The following MYOCOS variants were observed in gnomAD, a reference collection of about 807,000 sequenced individuals.
The protein encoded by MYOCOS is myocilin opposite strand, also known as myocilin opposite strand protein.
chr1:171,621,866 A>G (rs1362094282), upstream of MYOCOS, among the ~76,000 whole-genome samples: 4 of 152,148 alleles, frequency 2.6e-5, no homozygotes, highest in Non-Finnish European at 4.4e-5. Context: ...TACATTTTAA[A>G]AATTAAAAAA....
intron 1 of MYOCOS, among the ~76,000 whole-genome samples, chr1:171,607,558 A>G (rs1450332469): frequency 6.6e-6 from 1 of 152,200 alleles, no homozygotes; most frequent in Non-Finnish European, 1.5e-5. Context: ...GGTTCTCTAA[A>G]AAAAACGATG....
At chr1:171,615,703 C>T (rs542725226) in intron 2 of MYOCOS, among the ~76,000 whole-genome samples, 8 of 152,356 alleles carry the variant, frequency 5.3e-5, no homozygotes, top group South Asian at 2.1e-4. Flanking sequence ...GCCCCTGTCA[C>T]GTACCGCCTG....
At chr1:171,606,369 C>A (rs1652243425) in intron 1 of MYOCOS, among the ~76,000 whole-genome samples, 3 of 152,056 alleles carry the variant, frequency 2.0e-5, no homozygotes, top group Admixed American at 2.0e-4. Flanking sequence ...AGAGAGAAAC[C>A]TTCTCATATT....
chr1:171,613,744 C>T (rs1047673324), intron 1 of MYOCOS, among the ~76,000 whole-genome samples: 2 of 152,090 alleles, frequency 1.3e-5, no homozygotes, highest in Non-Finnish European at 2.9e-5. Flanking sequence ...TATAGGGTCT[C>T]ACTATGTTGC....
intron 1 of MYOCOS, among the ~76,000 whole-genome samples, chr1:171,607,252 G>A (rs1652264145): frequency 6.6e-6 from 1 of 152,088 alleles, no homozygotes. Context: ...TGTTTGGTAG[G>A]TTAGTAGGTT....
chr1:171,620,231 A>G (rs573188281), upstream of MYOCOS, among the ~76,000 whole-genome samples: 1 of 151,926 alleles, frequency 6.6e-6, no homozygotes, highest in East Asian at 1.9e-4. Context: ...CCAAATTCCT[A>G]TCTAAGGTGT....
chr1:171,606,555 A>T (rs896699028), intron 1 of MYOCOS, among the ~76,000 whole-genome samples: 2 of 151,846 alleles, frequency 1.3e-5, no homozygotes, highest in African/African-American at 4.9e-5. Flanking sequence ...GGCATTGTAT[A>T]AAAGAACATT....
At chr1:171,614,261 G>A (rs1652408169) in intron 1 of MYOCOS, among the ~76,000 whole-genome samples, 3 of 152,180 alleles carry the variant, frequency 2.0e-5, no homozygotes, top group African/African-American at 4.8e-5. Context: ...ATGGTGTTAG[G>A]TCAAGTTTCT....
upstream of MYOCOS, among the ~76,000 whole-genome samples, chr1:171,621,138 A>G (rs1319330971): frequency 1.3e-5 from 2 of 151,820 alleles, no homozygotes; most frequent in Non-Finnish European, 2.9e-5. Context: ...ACCAAGCTGC[A>G]CCCCGACCAA....
chr1:171,625,066 A>C (rs2102940792), intron 2 of MYOCOS, among the ~76,000 whole-genome samples: 1 of 152,340 alleles, frequency 6.6e-6, no homozygotes, highest in South Asian at 2.1e-4. Context: ...ATTGGGATGT[A>C]AGATTCCAGC....
chr1:171,624,556 C>G (rs1367761726), intron 2 of MYOCOS, among the ~76,000 whole-genome samples: 1 of 152,024 alleles, frequency 6.6e-6, no homozygotes, highest in Admixed American at 6.6e-5. Context: ...CCCACCTCAG[C>G]CTTCTGAGTA....
upstream of MYOCOS, among the ~76,000 whole-genome samples, chr1:171,617,961 G>C (rs73041915): frequency 0.076 from 11,622 of 152,252 alleles, 1,472 homozygotes; most frequent in African/African-American, 0.26. Context: ...GGGCACAAAG[G>C]CTGGAAGGTG....
intron 1 of MYOCOS, among the ~76,000 whole-genome samples, chr1:171,606,780 A>G (rs1453030878): frequency 6.6e-6 from 1 of 152,162 alleles, no homozygotes; most frequent in Non-Finnish European, 1.5e-5. Flanking sequence ...CCTTCTTTCT[A>G]CAACTCGGTG....
upstream of MYOCOS, among the ~76,000 whole-genome samples, chr1:171,621,915 T>A (rs1252041349): frequency 6.6e-6 from 1 of 152,108 alleles, no homozygotes. Context: ...TTGCAAACAT[T>A]TTCTCAACCC....
chr1:171,611,060 C>G (rs575179793), intron 1 of MYOCOS, among the ~76,000 whole-genome samples: 1 of 152,304 alleles, frequency 6.6e-6, no homozygotes, highest in South Asian at 2.1e-4. Context: ...AGTAGATGAT[C>G]AAATGCATTG....
At chr1:171,611,338 T>C (rs1478047110) in intron 1 of MYOCOS, among the ~76,000 whole-genome samples, 1 of 152,188 alleles carries the variant, frequency 6.6e-6, no homozygotes, top group Admixed American at 6.5e-5. Context: ...CCTTAGGCCC[T>C]ACTTGTGCAC....
chr1:171,612,997 A>G (rs537998196), intron 1 of MYOCOS, among the ~76,000 whole-genome samples: 17 of 152,260 alleles, frequency 1.1e-4, no homozygotes, highest in Admixed American at 9.2e-4. Flanking sequence ...AACTCACTCT[A>G]TTTATTTCTA....
In MYOCOS at chr1:171,623,826, G is replaced by GT. The variant is rs562993278; in HGVS notation, c.-43-11dup. ...CTGAAGCATGTGTGCCAGCTCTTGT[G>GT]TTTTGCATTCACAGGTGCAGTAACT... On this transcript the variant is annotated splice_polypyrimidine_tract_variant and intron_variant, in intron 1 of 2. Coordinates refer to ENST00000637642, the MANE Select transcript of MYOCOS (RefSeq NM_001391940.1). The GT allele has an allele frequency of 1.4e-4, 56 of 398,454 alleles. No homozygotes were observed. Among genetic ancestry groups the GT allele is most frequent in the African/African-American group, 9.9e-4 (48 of 48,706 alleles). 24.7% of individuals were successfully genotyped at this position (398,454 alleles called of 1,614,324 possible).
chr1:171,601,971 C>T (rs1572200327), intron 1 of MYOCOS, among the ~76,000 whole-genome samples: 1 of 150,576 alleles, frequency 6.6e-6, no homozygotes, highest in Admixed American at 6.6e-5. Context: ...AACAGTGTAA[C>T]ATGTATTATG....
Sources: allele counts gnomAD v4.1 joint callset (sites outside exome capture counted in the v4.1 genomes callset), GRCh38; gene constraint gnomAD v4.1.1; transcripts MANE v1.5; gene names NCBI Gene and HGNC (gene_info 2026-07-23, HGNC 2026-07-21).